PSMD2: variants seen among roughly 807,000 people sequenced by gnomAD.
The protein encoded by PSMD2 is proteasome 26S subunit ubiquitin receptor, non-ATPase 2, also known as 26S proteasome non-ATPase regulatory subunit 2.
In PSMD2, 8 loss-of-function variants were observed where a neutral mutation model predicts 101.5. That is an observed-to-expected ratio of 0.08 (90% confidence interval 0.05 to 0.14). The LOEUF is 0.14. Among genes scored for constraint, PSMD2 ranks in the 10% least tolerant of loss-of-function variants. PSMD2 has a pLI of 1.00. For missense variants in PSMD2, 784 were observed against 1,147.4 expected (o/e 0.68, Z 4.58); for synonymous variants, 418 against 433.8 (o/e 0.96, Z 0.45).
chr3:184,303,247 T>C (rs1030113047), intron 8 of PSMD2, 73 bp from the exon 9 acceptor site: 6 of 1,562,308 alleles, frequency 3.8e-6, no homozygotes, highest in African/African-American at 1.4e-5. Flanking sequence ...CAGAGACCAG[T>C]TGCCATGCTG....
intron 16 of PSMD2, 128 bp downstream of exon 16, chr3:184,306,962 T>C: frequency 2.5e-6 from 2 of 796,090 alleles, no homozygotes; most frequent in Non-Finnish European, 4.0e-6. Flanking sequence ...CTTTCTTTTT[T>C]CTTTTCTTTT....
rs1721664619 is a variant in PSMD2, at chr3:184,302,084, G to C, written c.704+13G>C. The C allele has an allele frequency of 1.2e-6, 2 of 1,611,778 alleles. No homozygotes were observed. Among genetic ancestry groups the C allele is most frequent in the East Asian group, 4.5e-5 (2 of 44,856 alleles). On this transcript the variant is annotated intron_variant, in intron 5 of 20. Transcript: ENST00000310118. ...TTTATCTCACCAGGTGAGTGAACAT[G>C]GTAGGGAAGGGTGGCAGGCATGCCC...
chr3:184,308,119 T>C lies in PSMD2; in HGVS notation c.2425+103T>C. 1.4e-6 allele frequency: 2 copies of C among 1,435,236 alleles called. No homozygotes were observed. Among genetic ancestry groups the C allele is most frequent in the Non-Finnish European group, 1.9e-6 (2 of 1,062,558 alleles). The allele number at this position is 1,435,236 out of a possible 1,614,324, so 88.9% of individuals were successfully genotyped here. On this transcript the variant is annotated intron_variant, in intron 19 of 20. Coordinates refer to ENST00000310118, the MANE Select transcript of PSMD2 (RefSeq NM_002808.5). This position sits in a 1 kb window ranked among gnomAD's most constrained non-coding sequence, Gnocchi z 6.0. The stretch of plus-strand genomic sequence containing the variant: ...TAGGTTCAAGACCCCAGTTTAGCTC[T>C]GTATCGCTCTAGGTTTCTGAGACAG...
At chr3:184,303,562 A>T in intron 9 of PSMD2, 81 bp from the exon 10 acceptor site, 1 of 1,606,612 alleles carries the variant, frequency 6.2e-7, no homozygotes. Context: ...TCCACCATGC[A>T]GTTCTTTGGA....
chr3:184,299,487 A>AC (rs947869582), intron 1 of PSMD2, 86 bp downstream of exon 1: 2 of 1,303,542 alleles, frequency 1.5e-6, no homozygotes, highest in Non-Finnish European at 2.0e-6. Context: ...ACACCCAACT[A>AC]CCCCACCGCG....
rs2108442636 is a variant in PSMD2, at chr3:184,303,848, ACT to A, written c.1324-96_1324-95del. 16 of 1,603,458 alleles carry A rather than the reference ACT, an allele frequency of 1.0e-5. No individual in the cohort carries two copies. In the South Asian group the frequency reaches 1.7e-4, roughly 17 times the overall value. On this transcript the variant is annotated intron_variant, in intron 10 of 20. Transcript: ENST00000310118. Reference sequence around the variant, plus strand: ...ACTGATGAGGTCTGCCCAGTTTTTAACTCTAGTTAATAAGGGTGCTGCAGTGA... The same window carrying A: ...ACTGATGAGGTCTGCCCAGTTTTTAACTAGTTAATAAGGGTGCTGCAGTGA...
Position 184,304,219 on chromosome 3 carries a change from G to A in PSMD2, c.1452-85G>A. The A allele has an allele frequency of 1.3e-6, 2 of 1,555,488 alleles. No homozygotes were observed. The highest frequency in any genetic ancestry group is 2.2e-5 in the East Asian group (1 of 44,482). On this transcript the variant is annotated intron_variant, in intron 11 of 20. Coordinates refer to ENST00000310118, the MANE Select transcript of PSMD2 (RefSeq NM_002808.5). This position sits in a 1 kb window ranked among gnomAD's most constrained non-coding sequence, Gnocchi z 4.1. ...CTTGGTGAATGTTTGTTGAAATGGT[G>A]AATGAATGACCGATTCTCCTTTTGT...
chr3:184,307,952 T>A lies in PSMD2; in HGVS notation c.2361T>A (p.Leu787=), dbSNP rs763111964. The A allele has an allele frequency of 6.2e-7, 1 of 1,614,094 alleles. No individual in the cohort carries two copies. The highest frequency in any genetic ancestry group is 8.5e-7 in the Non-Finnish European group (1 of 1,180,002). ...TLCPYHSDRQ[L]MSQVAVAGLL... is the part of the protein sequence containing the mutation. ...GCCCCTACCACAGCGACCGGCAGCTTATGAGCCAGGTGGCCGTGGCTGGAC... is the reference window on the plus strand; with the variant it reads ...GCCCCTACCACAGCGACCGGCAGCTAATGAGCCAGGTGGCCGTGGCTGGAC... Residue 787 remains leucine, a synonymous_variant, in exon 19 of 21, where the codon CTT becomes CTA. Transcript: ENST00000310118.
chr3:184,306,039 G>GA lies in PSMD2; in HGVS notation c.1703-13dup. 6.2e-7 allele frequency: 1 copy of GA among 1,614,174 alleles called. No individual in the cohort carries two copies. Among genetic ancestry groups the GA allele is most frequent in the Non-Finnish European group, 8.5e-7 (1 of 1,180,002 alleles). The stretch of plus-strand genomic sequence containing the variant: ...GGAGGCAAGTATCCTCTGACCCCTT[G>GA]AATCTGTCCTGTAGGGAAGGGTGAG... On this transcript the variant is annotated splice_polypyrimidine_tract_variant and intron_variant, in intron 13 of 20. Coordinates refer to ENST00000310118, the MANE Select transcript of PSMD2 (RefSeq NM_002808.5).
rs772798419 is a variant in PSMD2, at chr3:184,302,463, G to C, written c.798G>C (p.Leu266=). 1 of 1,614,224 alleles carries C rather than the reference G, an allele frequency of 6.2e-7. No individual in the cohort carries two copies. Among genetic ancestry groups the C allele is most frequent in the South Asian group, 1.1e-5 (1 of 91,088 alleles). The change falls in exon 6 of 21, where the codon CTG becomes CTC. Residue 266 remains leucine, a synonymous_variant. Coordinates refer to ENST00000310118, the MANE Select transcript of PSMD2 (RefSeq NM_002808.5). ...AGTTTAGCCGCTTCCCTGAAGCTCT[G>C]AGATTGGCATTGATGCTCAATGACA... The part of the protein sequence containing the change: ...FRKFSRFPEA[L]RLALMLNDME...
intron 4 of PSMD2, 66 bp downstream of exon 4, chr3:184,301,724 T>G (rs1019055964): frequency 1.3e-4 from 203 of 1,610,070 alleles, no homozygotes; most frequent in Non-Finnish European, 2.5e-5. Flanking sequence ...AGAATTTTCT[T>G]GTGGAGTACA....
rs1042395292 is a variant in PSMD2 at position 184,309,000 on chromosome 3, C to T, written c.*110C>T. 20 of 1,125,566 alleles carry T rather than the reference C, an allele frequency of 1.8e-5. No homozygotes were observed. The African/African-American group carries it at 3.1e-4, about 17-fold the overall frequency. 69.7% of individuals were successfully genotyped at this position (1,125,566 alleles called of 1,614,324 possible). A position where few individuals can be genotyped will look rare whatever the true frequency, so the allele number is the denominator to read the frequency against. ...TCTGGGGGAATTGTCGCCTCCTGCT[C>T]TTTTGTTACTGAGTGAGATAAGGTT... On this transcript the variant is annotated 3_prime_UTR_variant, in exon 21 of 21. Coordinates refer to ENST00000310118, the MANE Select transcript of PSMD2 (RefSeq NM_002808.5). The surrounding 1 kb of genome is among the most constrained non-coding windows in gnomAD (Gnocchi z 6.0).
Position 184,307,973 on chromosome 3 carries a change from T to C in PSMD2, c.2382T>C (p.Ala794=), listed in dbSNP as rs775061132. The C allele has an allele frequency of 1.6e-4, 261 of 1,614,068 alleles. 1 individual carries two copies. Among genetic ancestry groups the C allele is most frequent in the Non-Finnish European group, 2.0e-4 (235 of 1,180,038 alleles). ...DRQLMSQVAV[A]GLLTVLVSFL... ...AGCTTATGAGCCAGGTGGCCGTGGCTGGACTGCTCACTGTGCTTGTCTCTT... is the reference window on the plus strand; with the variant it reads ...AGCTTATGAGCCAGGTGGCCGTGGCCGGACTGCTCACTGTGCTTGTCTCTT... Residue 794 remains alanine (A), a synonymous_variant, in exon 19 of 21, where the codon GCT becomes GCC. Coordinates refer to ENST00000310118, the MANE Select transcript of PSMD2 (RefSeq NM_002808.5).
In PSMD2 at chr3:184,305,803, A is replaced by C. The variant is rs777459438; in HGVS notation, c.1575A>C (p.Ile525=). The change falls in exon 13 of 21, where the codon ATA becomes ATC. Residue 525 remains isoleucine, a synonymous_variant. Transcript: ENST00000310118. ...AGVTALACGM[I]AVGSCNGDVT... ...TCACAGCTTTAGCCTGTGGAATGAT[A>C]GCAGTAGGGTCCTGCAATGGAGATG... 3 of 1,614,014 alleles carry C rather than the reference A, an allele frequency of 1.9e-6. No individual in the cohort carries two copies. The highest frequency in any genetic ancestry group is 2.2e-5 in the East Asian group (1 of 44,902).
chr3:184,301,479 C>A (rs1721641099), intron 3 of PSMD2, 58 bp from the exon 4 acceptor site: 5 of 1,596,764 alleles, frequency 3.1e-6, no homozygotes, highest in Admixed American at 1.7e-5. Flanking sequence ...TTCCACAATG[C>A]ATGCTCCCTT....
In PSMD2 at chr3:184,304,902, A is replaced by G. The variant is rs866738194; in HGVS notation, c.1539+511A>G. Among the ~76,000 whole-genome samples, 57 of 152,138 alleles carry G rather than the reference A, an allele frequency of 3.7e-4. No homozygotes were observed. Among genetic ancestry groups the G allele is most frequent in the African/African-American group, 1.2e-3 (48 of 41,428 alleles). On this transcript the variant is annotated intron_variant, in intron 12 of 20. Transcript: ENST00000310118. The surrounding 1 kb of genome is among the most constrained non-coding windows in gnomAD (Gnocchi z 4.1). ...GAGACCCTGTCTTTAAAAGAAAAAA[A>G]AAATTAACATTTTAGTGTTGAGTTC...
rs757205014 is a variant in PSMD2 at position 184,303,716 on chromosome 3, C to T, written c.1290C>T (p.Asp430=). Residue 430 remains aspartate (D), a synonymous_variant, in exon 10 of 21, where the codon GAC becomes GAT. Coordinates refer to ENST00000310118, the MANE Select transcript of PSMD2 (RefSeq NM_002808.5). ...TGGATGGTGGCCTCACCCAGATTGA[C>T]AAGTACCTGTACTCCTCTGAGGACT... ...WDVDGGLTQI[D]KYLYSSEDYI... 8 of 1,614,226 alleles carry T rather than the reference C, an allele frequency of 5.0e-6. No individual in the cohort carries two copies. The South Asian group carries it at 6.6e-5, about 13-fold the overall frequency.
In PSMD2 at chr3:184,302,030, T is replaced by G; in HGVS notation, c.663T>G (p.Ile221Met). The change falls in exon 5 of 21, where the codon ATT (isoleucine) becomes ATG (methionine). Residue 221 changes from isoleucine to methionine, a missense_variant. Transcript: ENST00000310118. ...IEQVDMLEKD[I>M]DENAYAKVCL... ...AGGTGGACATGCTGGAGAAGGACAT[T>G]GATGAAAATGCATATGCAAAGGTCT... The G allele has an allele frequency of 1.2e-6, 2 of 1,614,142 alleles. No homozygotes were observed. Among genetic ancestry groups the G allele is most frequent in the Non-Finnish European group, 1.7e-6 (2 of 1,180,022 alleles).
Position 184,304,280 on chromosome 3 carries a change from A to G in PSMD2, c.1452-24A>G, listed in dbSNP as rs1254055931. 6.2e-7 allele frequency: 1 copy of G among 1,610,774 alleles called. No individual in the cohort carries two copies. Among genetic ancestry groups the G allele is most frequent in the Non-Finnish European group, 8.5e-7 (1 of 1,177,108 alleles). The stretch of plus-strand genomic sequence containing the variant: ...CTGCATCGTTGGGTATGTGTTGGGG[A>G]CCGCCTTTCCATGGCTTTTGCAGGC... On this transcript the variant is annotated intron_variant, in intron 11 of 20. Coordinates refer to ENST00000310118, the MANE Select transcript of PSMD2 (RefSeq NM_002808.5). The surrounding 1 kb of genome is among the most constrained non-coding windows in gnomAD (Gnocchi z 4.1).
Sources: allele counts gnomAD v4.1 joint callset (sites outside exome capture counted in the v4.1 genomes callset), GRCh38; gene constraint gnomAD v4.1.1; non-coding constraint Gnocchi (gnomAD v3.1); transcripts MANE v1.5; gene names NCBI Gene and HGNC (gene_info 2026-07-23, HGNC 2026-07-21).